The following LRRC69 variants were observed in gnomAD, a reference collection of about 807,000 sequenced individuals.
LRRC69 encodes leucine-rich repeat-containing protein 69.
LRRC69 carries 42 observed loss-of-function variants against 37.8 expected under a neutral mutation model. The ratio of observed to expected loss-of-function variants is 1.11; its 90% CI spans 0.87 to 1.44. LRRC69 has a LOEUF of 1.44. LRRC69 is among the 40% of genes most tolerant of loss of function. The probability of loss-of-function intolerance (pLI) is 0.00; values close to 1 mark genes in which losing one functional copy is unlikely to be tolerated. For missense variants in LRRC69, 357 were observed against 401.9 expected, an observed-to-expected ratio of 0.89 and a Z score of 0.96; for synonymous variants, 141 against 143.1, an observed-to-expected ratio of 0.99 and a Z score of 0.11.
At chr8:91,207,108 C>A (rs574648023) in intron 7 of LRRC69, among the ~76,000 whole-genome samples, 3 of 152,204 alleles carry the variant, frequency 2.0e-5, no homozygotes, top group South Asian at 4.2e-4. Flanking sequence ...AATACAGAAC[C>A]CTGATCCTTG....
intron 1 of LRRC69, among the ~76,000 whole-genome samples, chr8:91,105,876 A>T (rs909255745): frequency 2.0e-5 from 3 of 152,038 alleles, no homozygotes; most frequent in African/African-American, 7.2e-5. Flanking sequence ...TCAGGCACTC[A>T]GAACTGGTGA....
At chr8:91,175,041 G>T (rs775862934) in intron 5 of LRRC69, among the ~76,000 whole-genome samples, 1 of 152,164 alleles carries the variant, frequency 6.6e-6, no homozygotes, top group Non-Finnish European at 1.5e-5. Flanking sequence ...AAATATTGGA[G>T]GGACTTATCT....
intron 3 of LRRC69, among the ~76,000 whole-genome samples, chr8:91,132,630 G>A (rs1586236058): frequency 6.6e-6 from 1 of 151,874 alleles, no homozygotes; most frequent in African/African-American, 2.4e-5. Flanking sequence ...CTAAACCAGG[G>A]CATCCAAAAG....
At chr8:91,158,339 T>C (rs1284909894) in intron 5 of LRRC69, 9 of 1,463,600 alleles carry the variant, frequency 6.1e-6, no homozygotes, top group Non-Finnish European at 7.7e-6. Context: ...GTTTCTAGTT[T>C]TTGATGAGAA....
At chr8:91,105,708 G>C (rs10100069) in intron 1 of LRRC69, among the ~76,000 whole-genome samples, 80,255 of 147,094 alleles carry the variant, frequency 0.55, 22,365 homozygotes, top group South Asian at 0.67. Context: ...CAAAGAAAGA[G>C]ACAGCTTAGA....
chr8:91,102,925 A>G, intron 1 of LRRC69, 81 bp downstream of exon 1: 1 of 1,281,910 alleles, frequency 7.8e-7, no homozygotes, highest in Non-Finnish European at 1.1e-6. Context: ...AAGAGACAGA[A>G]CAATAACACT....
chr8:91,168,746 G>A (rs1809074009), intron 5 of LRRC69, among the ~76,000 whole-genome samples: 1 of 148,228 alleles, frequency 6.7e-6, no homozygotes, highest in South Asian at 2.1e-4. Context: ...GTTTTTTTTT[G>A]CAATTAATAT....
At chr8:91,106,971 T>TAA (rs1813326048) in intron 1 of LRRC69, among the ~76,000 whole-genome samples, 3 of 138,982 alleles carry the variant, frequency 2.2e-5, no homozygotes, top group East Asian at 2.1e-4. Context: ...TAAAAAAATT[T>TAA]TTTTTTTTTG....
chr8:91,191,412 C>G (rs1809494406), intron 6 of LRRC69, among the ~76,000 whole-genome samples: 1 of 152,146 alleles, frequency 6.6e-6, no homozygotes, highest in Admixed American at 6.5e-5. Context: ...GGACAAGGTA[C>G]TGTTCTAAGC....
intron 5 of LRRC69, among the ~76,000 whole-genome samples, chr8:91,149,318 C>T (rs1465274705): frequency 6.6e-6 from 1 of 151,966 alleles, no homozygotes; most frequent in Non-Finnish European, 1.5e-5. Context: ...GCCAGTTTTC[C>T]CAGCACCATT....
chr8:91,211,616 ATTTTTT>A (rs34106795), intron 7 of LRRC69, among the ~76,000 whole-genome samples: 1 of 137,528 alleles, frequency 7.3e-6, no homozygotes, highest in African/African-American at 2.9e-5. Context: ...ATATATATAT[ATTTTTT>A]TTTTATTTTT....
intron 5 of LRRC69, among the ~76,000 whole-genome samples, chr8:91,152,253 T>C (rs191966839): frequency 2.7e-3 from 403 of 151,902 alleles, no homozygotes; most frequent in African/African-American, 9.2e-3. Context: ...TTCTAGGGTT[T>C]TTATGGTTTT....
chr8:91,126,017 G>A (rs1171568958), intron 2 of LRRC69, among the ~76,000 whole-genome samples: 1 of 151,844 alleles, frequency 6.6e-6, no homozygotes, highest in Admixed American at 6.6e-5. Flanking sequence ...CTTCGAGTTG[G>A]GAACATTCTT....
At chr8:91,119,116 C>A (rs1157285995) in intron 1 of LRRC69, among the ~76,000 whole-genome samples, 6 of 152,060 alleles carry the variant, frequency 3.9e-5, no homozygotes, top group Non-Finnish European at 8.8e-5. Context: ...GTTCACTCTT[C>A]CTCTAGCATT....
intron 1 of LRRC69, among the ~76,000 whole-genome samples, chr8:91,123,087 G>A (rs1049821073): frequency 1.3e-5 from 2 of 152,070 alleles, no homozygotes; most frequent in Non-Finnish European, 2.9e-5. Flanking sequence ...ATAAGCCAAG[G>A]AATGGAGGCT....
At chr8:91,104,558 CTG>C (rs1054368034) in intron 1 of LRRC69, among the ~76,000 whole-genome samples, 5 of 151,892 alleles carry the variant, frequency 3.3e-5, no homozygotes, top group African/African-American at 1.2e-4. Flanking sequence ...TTATTTCAAA[CTG>C]TATAATTTTT....
At chr8:91,129,009 A>G (rs114873594) in intron 3 of LRRC69, among the ~76,000 whole-genome samples, 4 of 152,160 alleles carry the variant, frequency 2.6e-5, no homozygotes, top group African/African-American at 9.6e-5. Context: ...TCTAAATTCC[A>G]TATCTTATTT....
intron 1 of LRRC69, among the ~76,000 whole-genome samples, chr8:91,119,842 C>G (rs980188666): frequency 1.3e-5 from 2 of 151,996 alleles, no homozygotes; most frequent in African/African-American, 4.8e-5. Flanking sequence ...TTCCTACCTT[C>G]CTTCCTACTA....
chr8:91,166,016 A>G (rs1216482374), intron 5 of LRRC69, among the ~76,000 whole-genome samples: 2 of 151,816 alleles, frequency 1.3e-5, no homozygotes, highest in African/African-American at 4.8e-5. Context: ...TTGGGGCAGC[A>G]TTGTGTAGTA....
Sources: gnomAD v4.1 joint callset for allele counts (sites outside exome capture counted in the v4.1 genomes callset) on GRCh38, gnomAD v4.1.1 for gene constraint, MANE v1.5 for transcripts, NCBI Gene and HGNC (gene_info 2026-07-23, HGNC 2026-07-21) for gene names.